NADSYN1: variants seen among roughly 807,000 people sequenced by gnomAD.
The protein encoded by NADSYN1 is glutamine-dependent NAD(+) synthetase.
A neutral mutation model predicts 99.3 loss-of-function variants in NADSYN1; 80 were observed. The observed-to-expected ratio is 0.81, with a 90% CI of 0.67 to 0.97. The LOEUF (loss-of-function observed/expected upper bound fraction) is 0.97, where lower values mean the gene tolerates loss of function less well. Ranked by LOEUF, NADSYN1 falls within the 50% of genes least tolerant of loss-of-function variation. The pLI, the probability that NADSYN1 is intolerant of heterozygous loss-of-function variation, is 0.00. For missense variants in NADSYN1, 859 were observed against 948.5 expected (o/e 0.91, Z 1.24); for synonymous variants, 385 against 372.1 (o/e 1.03, Z -0.40).
intron 6 of NADSYN1, among the ~76,000 whole-genome samples, chr11:71,472,920 G>T (rs1016475883): frequency 1.3e-5 from 2 of 152,260 alleles, no homozygotes; most frequent in African/African-American, 4.8e-5. Context: ...GGCTGGGAGT[G>T]GGGGCCTAGC....
intron 2 of NADSYN1, 106 bp from the exon 3 acceptor site, chr11:71,458,321 CT>C: frequency 2.5e-6 from 2 of 801,182 alleles, no homozygotes; most frequent in South Asian, 1.5e-5. Flanking sequence ...GAGAAAACAC[CT>C]GAGCCCCGGC....
rs749858127 is a variant in NADSYN1, at chr11:71,497,582, A to G, written c.1864A>G (p.Met622Val). 2 of 1,614,162 alleles carry G rather than the reference A, an allele frequency of 1.2e-6. No homozygotes were observed. The change falls in exon 19 of 21, where the codon ATG becomes GTG. Residue 622 changes from methionine (M) to valine (V), a missense_variant. Coordinates refer to ENST00000319023, the MANE Select transcript of NADSYN1 (RefSeq NM_018161.5). ...CAGCATGTTCTGCAAACTCCTCGGC[A>G]TGTGGAGACACATCTGCACCCCGAG... The part of the protein sequence containing the change: ...PYSMFCKLLG[M>V]WRHICTPRQV...
chr11:71,486,071 G>A (rs1315773906), intron 16 of NADSYN1, among the ~76,000 whole-genome samples: 1 of 152,088 alleles, frequency 6.6e-6, no homozygotes, highest in Non-Finnish European at 1.5e-5. Flanking sequence ...ACAAAACTCA[G>A]AGCCTCCCTG....
chr11:71,476,917 G>T, intron 9 of NADSYN1: 1 of 988,256 alleles, frequency 1.0e-6, no homozygotes. Context: ...TGCCTTACAC[G>T]TCTCTAGAGT....
intron 18 of NADSYN1, 96 bp downstream of exon 18, chr11:71,491,999 C>A (rs561996096): frequency 9.7e-7 from 1 of 1,028,116 alleles, no homozygotes; most frequent in Non-Finnish European, 1.3e-6. Context: ...GACCCCAGGA[C>A]AGCTGCATCG....
intron 16 of NADSYN1, 150 bp downstream of exon 16, chr11:71,485,798 G>C (rs570633952): frequency 1.6e-6 from 1 of 626,882 alleles, no homozygotes; most frequent in Non-Finnish European, 2.7e-6. Context: ...CACCCAACCC[G>C]AGTGGCAGAG....
At chr11:71,461,105 A>C (rs1949547494) in intron 3 of NADSYN1, among the ~76,000 whole-genome samples, 1 of 152,142 alleles carries the variant, frequency 6.6e-6, no homozygotes, top group Non-Finnish European at 1.5e-5. Context: ...ATGTCAGTCC[A>C]TTCCCACGTA....
chr11:71,480,688 C>T (rs7120978), intron 10 of NADSYN1, 67 bp from the exon 11 acceptor site: 100,329 of 1,605,594 alleles, frequency 0.062, 4,002 homozygotes, highest in African/African-American at 0.14. Context: ...GCTTGTCTGT[C>T]GGTCCTGGGG....
intron 11 of NADSYN1, 22 bp downstream of exon 11, chr11:71,480,901 G>T: frequency 6.2e-7 from 1 of 1,612,554 alleles, no homozygotes; most frequent in Non-Finnish European, 8.5e-7. Context: ...CTGACCCCTG[G>T]GAGGGACCTG....
At chr11:71,473,426 C>A in intron 7 of NADSYN1, 60 bp downstream of exon 7, 1 of 1,578,814 alleles carries the variant, frequency 6.3e-7, no homozygotes, top group East Asian at 2.2e-5. Flanking sequence ...GCTGGGAGGA[C>A]CTGGGACTGC....
intron 19 of NADSYN1, among the ~76,000 whole-genome samples, chr11:71,498,126 GTGGGGGA>G (rs1949832484): frequency 2.0e-5 from 3 of 151,762 alleles, no homozygotes; most frequent in Admixed American, 2.0e-4. Flanking sequence ...AGCATCAGAG[GTGGGGGA>G]CCCCGGTTTC....
intron 14 of NADSYN1, among the ~76,000 whole-genome samples, chr11:71,483,797 A>C (rs1949724723): frequency 6.6e-6 from 1 of 152,220 alleles, no homozygotes. Flanking sequence ...CCCAAGGTCC[A>C]TCTCAGATGA....
intron 18 of NADSYN1, among the ~76,000 whole-genome samples, chr11:71,492,923 G>T (rs371701015): frequency 5.4e-4 from 77 of 143,396 alleles, no homozygotes; most frequent in African/African-American, 1.9e-3. Context: ...GTCTCACTCT[G>T]TTGCCCAGGC....
chr11:71,478,444 C>G lies in NADSYN1; in HGVS notation c.848C>G (p.Ala283Gly). The change falls in exon 10 of 21, where the codon GCG becomes GGG. Residue 283 changes from alanine to glycine, a missense_variant. By Grantham distance (60) the Ala-to-Gly change is moderately conservative. Coordinates refer to ENST00000319023, the MANE Select transcript of NADSYN1 (RefSeq NM_018161.5). ...CTGGAGGACGTCCGGAGCTACAGGG[C>G]GGAGATTTCATCTCGAAACCTGGCG... ...LDLEDVRSYR[A>G]EISSRNLAAS... 6.2e-7 allele frequency: 1 copy of G among 1,608,762 alleles called. No individual in the cohort carries two copies. The highest frequency in any genetic ancestry group is 8.5e-7 in the Non-Finnish European group (1 of 1,177,704).
intron 16 of NADSYN1, among the ~76,000 whole-genome samples, chr11:71,486,730 A>G (rs2120492318): frequency 7.0e-6 from 1 of 142,586 alleles, no homozygotes; most frequent in East Asian, 2.1e-4. Context: ...CCATCCATCG[A>G]CCCATCTGTC....
chr11:71,455,425 C>A, intron 2 of NADSYN1: 1 of 475,402 alleles, frequency 2.1e-6, no homozygotes, highest in Non-Finnish European at 3.7e-6. Flanking sequence ...CAAAGTTGGG[C>A]TGCTTCTGTG....
intron 1 of NADSYN1, among the ~76,000 whole-genome samples, chr11:71,454,625 C>G (rs1949501391): frequency 6.6e-6 from 1 of 152,236 alleles, no homozygotes; most frequent in South Asian, 2.1e-4. Flanking sequence ...CTGCCAGCCT[C>G]TCCTCCCTAG....
intron 3 of NADSYN1, among the ~76,000 whole-genome samples, chr11:71,461,521 C>G (rs989952247): frequency 6.6e-6 from 1 of 152,120 alleles, no homozygotes. Context: ...CTCTGCCACC[C>G]GGGTTCAAGC....
intron 11 of NADSYN1, 91 bp from the exon 12 acceptor site, chr11:71,481,265 C>A: frequency 7.4e-7 from 1 of 1,352,048 alleles, no homozygotes; most frequent in Non-Finnish European, 1.1e-6. Flanking sequence ...GACTCTGGCA[C>A]TGCAGCCTCC....
Sources: allele counts gnomAD v4.1 joint callset (sites outside exome capture counted in the v4.1 genomes callset), GRCh38; gene constraint gnomAD v4.1.1; transcripts MANE v1.5; gene names NCBI Gene and HGNC (gene_info 2026-07-23, HGNC 2026-07-21).